Variants in GARRE1 observed in about 807,000 individuals in gnomAD.
The protein encoded by GARRE1 is granule associated Rac and RHOG effector 1.
Under a neutral mutation model 103.2 loss-of-function variants are expected in GARRE1, and 49 were observed. The observed-to-expected ratio is 0.47, with a 90% CI of 0.38 to 0.60. The LOEUF is 0.60. GARRE1 is among the 20% of genes least tolerant of loss of function. GARRE1 has a pLI of 0.00. For missense variants in GARRE1, 1,199 were observed against 1,370.5 expected (o/e 0.87, Z 1.98); for synonymous variants, 505 against 532.8 (o/e 0.95, Z 0.72).
intron 1 of GARRE1, among the ~76,000 whole-genome samples, chr19:34,293,628 C>G (rs117170110): frequency 0.011 from 1,600 of 150,284 alleles, 11 homozygotes; most frequent in Non-Finnish European, 0.016. Flanking sequence ...CTTCTGGGCT[C>G]AAGTGATCTG....
At chr19:34,296,377 C>T (rs2073947648) in intron 1 of GARRE1, 2 of 1,419,552 alleles carry the variant, frequency 1.4e-6, no homozygotes, top group South Asian at 2.3e-5. Flanking sequence ...TTGGCCTTGG[C>T]CTTTAGCCGG....
chr19:34,278,059 T>C (rs541025258), intron 1 of GARRE1, among the ~76,000 whole-genome samples: 1 of 152,100 alleles, frequency 6.6e-6, no homozygotes, highest in Admixed American at 6.5e-5. Flanking sequence ...GTTTTAACCA[T>C]TTTTATTATA....
intron 2 of GARRE1, among the ~76,000 whole-genome samples, chr19:34,305,743 T>C (rs932162481): frequency 6.6e-6 from 1 of 152,222 alleles, no homozygotes; most frequent in Non-Finnish European, 1.5e-5. Context: ...GGGACTGGCA[T>C]TGACCACTGA....
intron 1 of GARRE1, among the ~76,000 whole-genome samples, chr19:34,270,573 C>G (rs1016121319): frequency 1.3e-5 from 2 of 152,194 alleles, no homozygotes; most frequent in African/African-American, 2.4e-5. Flanking sequence ...GGAGCCTAGT[C>G]TGCTCTCTCA....
At chr19:34,345,923 C>T (rs1457461333) in intron 10 of GARRE1, among the ~76,000 whole-genome samples, 2 of 152,220 alleles carry the variant, frequency 1.3e-5, no homozygotes, top group Non-Finnish European at 2.9e-5. Context: ...CTACTCTTTC[C>T]CTTCTGGGTG....
Position 34,320,123 on chromosome 19 carries a change from C to T in GARRE1, c.705+7C>T, listed in dbSNP as rs992582048. 3.1e-6 allele frequency: 5 copies of T among 1,612,612 alleles called. No homozygotes were observed. The Admixed American group carries it at 8.3e-5, about 27-fold the overall frequency. On this transcript the variant is annotated splice_region_variant and intron_variant, in intron 3 of 13. Coordinates refer to ENST00000299505, the MANE Select transcript of GARRE1 (RefSeq NM_014686.5). ...CTGGCGGGGGGCTGCTGAGGTAACC[C>T]TGGCTTTGGGGAGATTGGTGCCTGT...
At chr19:34,308,152 G>C (rs1477180068) in intron 2 of GARRE1, among the ~76,000 whole-genome samples, 1 of 150,320 alleles carries the variant, frequency 6.7e-6, no homozygotes, top group Non-Finnish European at 1.5e-5. Context: ...AAATATTGTA[G>C]AGTAACAATA....
chr19:34,342,681 AG>A (rs1444138540), intron 10 of GARRE1, among the ~76,000 whole-genome samples: 2 of 152,184 alleles, frequency 1.3e-5, no homozygotes, highest in African/African-American at 2.4e-5. Flanking sequence ...CTTACTTTAT[AG>A]AGAACAGAAC....
chr19:34,328,402 A>C lies in GARRE1; in HGVS notation c.1104+251A>C, dbSNP rs191609403. On this transcript the variant is annotated intron_variant, in intron 6 of 13. Coordinates refer to ENST00000299505, the MANE Select transcript of GARRE1 (RefSeq NM_014686.5). ...AAATCAGCCGGGTACGGTGGCACGC[A>C]CCTGTAGTCCCAGCTGTTCGGGAAG... is the stretch of plus-strand genomic sequence containing the variant. Among the ~76,000 whole-genome samples, 43 of 151,548 alleles carry C rather than the reference A, an allele frequency of 2.8e-4. No homozygotes were observed. In the East Asian group the frequency reaches 7.8e-3, roughly 27 times the overall value.
intron 8 of GARRE1, 83 bp downstream of exon 8, chr19:34,333,884 A>G (rs926770858): frequency 3.4e-6 from 3 of 874,000 alleles, no homozygotes; most frequent in East Asian, 2.4e-5. Context: ...GTTTTGAACA[A>G]TGCCCATGCT....
intron 3 of GARRE1, among the ~76,000 whole-genome samples, chr19:34,324,740 C>T (rs1335565679): frequency 6.6e-6 from 1 of 152,114 alleles, no homozygotes; most frequent in Non-Finnish European, 1.5e-5. Flanking sequence ...CTCCTAGGCT[C>T]CTGCACCCGG....
intron 13 of GARRE1, 30 bp downstream of exon 13, chr19:34,351,622 T>G: frequency 1.3e-6 from 2 of 1,517,294 alleles, no homozygotes; most frequent in Non-Finnish European, 1.8e-6. Flanking sequence ...GGGCACAGAC[T>G]TGGGCTAGCT....
intron 2 of GARRE1, among the ~76,000 whole-genome samples, chr19:34,315,413 A>G (rs1381467685): frequency 6.6e-6 from 1 of 152,194 alleles, no homozygotes; most frequent in Admixed American, 6.5e-5. Context: ...CTACAGTGGT[A>G]TAGAAAGGGT....
chr19:34,327,318 G>A, intron 3 of GARRE1, 103 bp from the exon 4 acceptor site: 2 of 1,080,144 alleles, frequency 1.9e-6, no homozygotes, highest in South Asian at 1.5e-5. Flanking sequence ...GTTTATTGCT[G>A]CATTTTACTT....
At chr19:34,306,088 G>C (rs1202317586) in intron 2 of GARRE1, among the ~76,000 whole-genome samples, 2 of 152,182 alleles carry the variant, frequency 1.3e-5, no homozygotes, top group Non-Finnish European at 2.9e-5. Context: ...GGCCAATAAG[G>C]GTCTCTCTCA....
At chr19:34,334,957 C>A (rs967369866) in intron 8 of GARRE1, among the ~76,000 whole-genome samples, 4 of 151,332 alleles carry the variant, frequency 2.6e-5, no homozygotes, top group African/African-American at 9.7e-5. Context: ...GCAGGAGAAC[C>A]GCTTGAGCCT....
At chr19:34,333,325 G>A (rs2074145886) in intron 7 of GARRE1, among the ~76,000 whole-genome samples, 1 of 152,232 alleles carries the variant, frequency 6.6e-6, no homozygotes, top group Non-Finnish European at 1.5e-5. Flanking sequence ...ACAGGCGTGA[G>A]CCACTGCACC....
At chr19:34,340,438 TTTTTCTTTTCTTTTCTTTTC>T (rs60039902) in intron 9 of GARRE1, among the ~76,000 whole-genome samples, 51 of 145,382 alleles carry the variant, frequency 3.5e-4, no homozygotes, top group Admixed American at 1.0e-3. Context: ...CCCCTCTCCC[TTTTTCTTTTCTTTTCTTTTC>T]TTTTCTTTTC....
intron 1 of GARRE1, among the ~76,000 whole-genome samples, chr19:34,268,026 C>CCT (rs1188416504): frequency 6.6e-6 from 1 of 151,688 alleles, no homozygotes; most frequent in African/African-American, 2.4e-5. Flanking sequence ...CCCGCCTTGG[C>CCT]CTCCCAAAGT....
Sources: gnomAD v4.1 joint callset for allele counts (sites outside exome capture counted in the v4.1 genomes callset) on GRCh38, gnomAD v4.1.1 for gene constraint, MANE v1.5 for transcripts, NCBI Gene and HGNC (gene_info 2026-07-23, HGNC 2026-07-21) for gene names.